Variants in ERVV-2 observed in about 807,000 individuals in gnomAD.
ERVV-2 encodes endogenous retrovirus group V member 2, envelope, also known as endogenous retrovirus group V member 2 Env polyprotein.
For missense variants in ERVV-2, 291 were observed against 495.1 expected (o/e 0.59, Z 3.91); for synonymous variants, 105 against 184.6 (o/e 0.57, Z 3.49).
At position 53,050,590 on chromosome 19, in the gene ERVV-2, G is replaced by A. The variant is rs1263340926; in HGVS notation, c.1339G>A (p.Val447Met). ...GASARAIWEA[V>M]KSALPSLNWF... ...TTCAGCAAGGGCCATCTGGGAGGCT[G>A]TGAAGTCTGCCCTCCCCTCCCTCAA... Residue 447 changes from valine (V) to methionine (M), a missense_variant, in exon 2 of 2, where the codon GTG (valine) becomes ATG (methionine). Coordinates refer to ENST00000601417, the MANE Select transcript of ERVV-2 (RefSeq NM_001191055.2). 3 of 969,452 alleles carry A rather than the reference G, an allele frequency of 3.1e-6. No homozygotes were observed. Among genetic ancestry groups the A allele is most frequent in the East Asian group, 5.2e-5 (2 of 38,464 alleles). 60.1% of individuals were successfully genotyped at this position (969,452 alleles called of 1,614,324 possible). A position where few individuals can be genotyped will look rare whatever the true frequency, so the allele number is the denominator to read the frequency against.
At chr19:53,045,171 G>T (rs1055084109) in intron 1 of ERVV-2, among the ~76,000 whole-genome samples, 3 of 152,194 alleles carry the variant, frequency 2.0e-5, no homozygotes, top group East Asian at 3.9e-4. Context: ...ACCCTGAGGG[G>T]TGATAAGCAG....
rs1366513567 is a variant in ERVV-2, at chr19:53,044,944, C to A, written c.-400C>A. The A allele has an allele frequency of 6.6e-6, 1 of 152,222 alleles. No homozygotes were observed. The highest frequency in any genetic ancestry group is 2.1e-4 in the South Asian group (1 of 4,828). The allele number at this position is 152,222 out of a possible 1,614,324, so 9.4% of individuals were successfully genotyped here. On this transcript the variant is annotated 5_prime_UTR_variant, in exon 1 of 2. Coordinates refer to ENST00000601417, the MANE Select transcript of ERVV-2 (RefSeq NM_001191055.2). ...TTTTCACCTGGTTACCTGGTTACCT[C>A]GCCTGGTTATCCAGGTAAGTACCAA...
intron 1 of ERVV-2, among the ~76,000 whole-genome samples, chr19:53,046,548 A>C (rs996396078): frequency 3.9e-5 from 6 of 152,162 alleles, no homozygotes; most frequent in African/African-American, 1.4e-4. Context: ...AATGCTTCTC[A>C]CATTCCCCTT....
Position 53,044,786 on chromosome 19 carries a change from T to G in ERVV-2, c.-558T>G, listed in dbSNP as rs2083884124. The G allele has an allele frequency of 6.6e-6, 1 of 152,008 alleles. No homozygotes were observed. 9.4% of individuals were successfully genotyped at this position (152,008 alleles called of 1,614,324 possible). ...CCACTCGGTTCTGTCGTTCAGGGTG[T>G]CGCTTCTTTCTGAGCTCCTGTCTCT... On this transcript the variant is annotated 5_prime_UTR_variant, in exon 1 of 2. Transcript: ENST00000601417.
chr19:53,046,986 T>C (rs2145385588), intron 1 of ERVV-2, among the ~76,000 whole-genome samples: 1 of 152,062 alleles, frequency 6.6e-6, no homozygotes, highest in South Asian at 2.1e-4. Context: ...GCCAATATGG[T>C]GGAACCCTGT....
chr19:53,046,729 A>C (rs762068265), intron 1 of ERVV-2, among the ~76,000 whole-genome samples: 9 of 152,140 alleles, frequency 5.9e-5, no homozygotes, highest in Admixed American at 4.6e-4. Flanking sequence ...TCCTGTAATC[A>C]TTAGTATTAG....
chr19:53,047,499 G>A lies in ERVV-2; in HGVS notation c.-385-1368G>A, dbSNP rs149567024. 2.2e-3 allele frequency among the ~76,000 whole-genome samples: 331 copies of A among 152,268 alleles called. 3 individuals are homozygous for A. The highest frequency in any genetic ancestry group is 0.01 in the Middle Eastern group (3 of 294). ...TCTTCCACCCGTCCTTACCCAACAC[G>A]GAAGAGTGGAAGGCATCACTGCTGG... On this transcript the variant is annotated intron_variant, in intron 1 of 1. Transcript: ENST00000601417.
chr19:53,047,317 C>T lies in ERVV-2; in HGVS notation c.-385-1550C>T, dbSNP rs371277608. 5.9e-5 allele frequency among the ~76,000 whole-genome samples: 9 copies of T among 152,254 alleles called. No individual in the cohort carries two copies. In the South Asian group the frequency reaches 1.9e-3, roughly 32 times the overall value. ...GAGCCAAGATAGCGCCACTGCACTC[C>T]AGCCTGGGCAACAAGAGAGAAACTG... On this transcript the variant is annotated intron_variant, in intron 1 of 1. Transcript: ENST00000601417.
At chr19:53,045,279 G>C (rs1256926959) in intron 1 of ERVV-2, among the ~76,000 whole-genome samples, 1 of 151,650 alleles carries the variant, frequency 6.6e-6, no homozygotes, top group Non-Finnish European at 1.5e-5. Context: ...ACGCCTGGCT[G>C]TGCAGTGACT....
chr19:53,047,701 T>C (rs1462905717), intron 1 of ERVV-2, among the ~76,000 whole-genome samples: 2 of 152,188 alleles, frequency 1.3e-5, no homozygotes, highest in Non-Finnish European at 1.5e-5. Flanking sequence ...CTGACCTTCA[T>C]GAGTCACCAA....
At chr19:53,046,463 A>C (rs2083891466) in intron 1 of ERVV-2, among the ~76,000 whole-genome samples, 1 of 152,084 alleles carries the variant, frequency 6.6e-6, no homozygotes, top group Non-Finnish European at 1.5e-5. Context: ...TGCTTTCTCC[A>C]CCTCATTAGG....
chr19:53,045,509 G>A (rs1805899804), intron 1 of ERVV-2, among the ~76,000 whole-genome samples: 1 of 152,050 alleles, frequency 6.6e-6, no homozygotes, highest in South Asian at 2.1e-4. Context: ...CACCATATTG[G>A]CCAGGCTGGT....
intron 1 of ERVV-2, among the ~76,000 whole-genome samples, chr19:53,046,033 G>A (rs1412449587): frequency 1.3e-5 from 2 of 152,048 alleles, no homozygotes; most frequent in African/African-American, 2.4e-5. Flanking sequence ...AGGTTGAGGG[G>A]GGTGGATCAC....
At chr19:53,046,778 G>A (rs1048824151) in intron 1 of ERVV-2, among the ~76,000 whole-genome samples, 26 of 152,300 alleles carry the variant, frequency 1.7e-4, no homozygotes, top group African/African-American at 5.1e-4. Flanking sequence ...TAGGCTGGGC[G>A]CATTGGCTCA....
chr19:53,046,709 T>C (rs1300241461), intron 1 of ERVV-2, among the ~76,000 whole-genome samples: 1 of 152,234 alleles, frequency 6.6e-6, no homozygotes, highest in Non-Finnish European at 1.5e-5. Flanking sequence ...AGATATCACA[T>C]CTTTTCCGTT....
Position 53,050,627 on chromosome 19 carries a change from C to T in ERVV-2, c.1376C>T (p.Pro459Leu), listed in dbSNP as rs908118276. 11 of 1,337,068 alleles carry T rather than the reference C, an allele frequency of 8.2e-6. No individual in the cohort carries two copies. Among genetic ancestry groups the T allele is most frequent in the Middle Eastern group, 1.8e-4 (1 of 5,616 alleles). 82.8% of individuals were successfully genotyped at this position (1,337,068 alleles called of 1,614,324 possible). ...CTCCCCTCCCTCAACTGGTTTGTCCCTTTACTGGGACCAGCAACAGTTATA... is the reference window on the plus strand; with the variant it reads ...CTCCCCTCCCTCAACTGGTTTGTCCTTTTACTGGGACCAGCAACAGTTATA... ...SALPSLNWFV[P>L]LLGPATVILL... is the part of the protein sequence containing the mutation. Residue 459 changes from proline (P) to leucine (L), a missense_variant, in exon 2 of 2, where the codon CCT (proline) becomes CTT (leucine). Coordinates refer to ENST00000601417, the MANE Select transcript of ERVV-2 (RefSeq NM_001191055.2).
At chr19:53,048,420 G>A (rs2083898920) in intron 1 of ERVV-2, among the ~76,000 whole-genome samples, 1 of 151,632 alleles carries the variant, frequency 6.6e-6, no homozygotes, top group African/African-American at 2.4e-5. Flanking sequence ...GCTCATGCCT[G>A]TAATCCCAGT....
chr19:53,046,314 G>A (rs777733354), intron 1 of ERVV-2, among the ~76,000 whole-genome samples: 1 of 151,256 alleles, frequency 6.6e-6, no homozygotes, highest in African/African-American at 2.4e-5. Flanking sequence ...GTCCTTCTCC[G>A]CCTGCCTACT....
Position 53,049,118 on chromosome 19 carries a change from A to AC in ERVV-2, c.-134_-133insC, listed in dbSNP as rs34385547. ...TTGGTTCTTCTCCTTATTTTGACCC[A>AC]ACTGGCATGCCACCTGAAGTCCCGA... On this transcript the variant is annotated 5_prime_UTR_variant, in exon 2 of 2. Transcript: ENST00000601417. 270,742 of 841,924 alleles carry AC rather than the reference A, an allele frequency of 0.32. 61,653 individuals carry two copies. The highest frequency in any genetic ancestry group is 0.52 in the Admixed American group (18,268 of 35,402). The allele number at this position is 841,924 out of a possible 1,614,324, so 52.2% of individuals were successfully genotyped here.
Sources: gnomAD v4.1 joint callset for allele counts (sites outside exome capture counted in the v4.1 genomes callset) on GRCh38, gnomAD v4.1.1 for gene constraint, MANE v1.5 for transcripts, NCBI Gene and HGNC (gene_info 2026-07-23, HGNC 2026-07-21) for gene names.